METTL15: variants seen among roughly 807,000 people sequenced by gnomAD.
The protein encoded by METTL15 is methyltransferase 15, mitochondrial 12S rRNA N4-cytidine, also known as 12S rRNA N(4)-cytidine methyltransferase METTL15.
A neutral mutation model predicts 38.3 loss-of-function variants in METTL15; 34 were observed. The ratio of observed to expected loss-of-function variants is 0.89; its 90% CI spans 0.68 to 1.18. The LOEUF (loss-of-function observed/expected upper bound fraction) is 1.18. Among genes scored for constraint, METTL15 ranks in the 50% most tolerant of loss-of-function variants. The probability of loss-of-function intolerance (pLI) is 0.00; values close to 1 mark genes in which losing one functional copy is unlikely to be tolerated. For synonymous variants in METTL15, 162 were observed against 170.9 expected (o/e 0.95, Z 0.41); for missense variants, 438 against 498.4 (o/e 0.88, Z 1.15).
At chr11:28,294,535 G>T (rs888177098) in intron 5 of METTL15, among the ~76,000 whole-genome samples, 1 of 152,192 alleles carries the variant, frequency 6.6e-6, no homozygotes, top group South Asian at 2.1e-4. Flanking sequence ...GCAATAGAAA[G>T]AAATTCATAG....
intron 3 of METTL15, among the ~76,000 whole-genome samples, chr11:28,200,487 C>T (rs74748188): frequency 2.0e-5 from 3 of 152,010 alleles, no homozygotes; most frequent in Admixed American, 2.0e-4. Flanking sequence ...ACTCTTCATT[C>T]CTGATGCCCA....
intron 6 of METTL15, among the ~76,000 whole-genome samples, chr11:28,455,041 A>C (rs1430420032): frequency 2.6e-5 from 4 of 152,120 alleles, no homozygotes; most frequent in Non-Finnish European, 5.9e-5. Flanking sequence ...ATAGTGGTTC[A>C]GTGGGAATCG....
chr11:28,263,567 A>T (rs993610510), intron 4 of METTL15, among the ~76,000 whole-genome samples: 3 of 152,020 alleles, frequency 2.0e-5, no homozygotes, highest in Non-Finnish European at 4.4e-5. Context: ...ATCATTCTCT[A>T]TTGTAATTGC....
At chr11:28,174,346 C>T (rs548524646) in intron 3 of METTL15, among the ~76,000 whole-genome samples, 2 of 152,166 alleles carry the variant, frequency 1.3e-5, no homozygotes, top group East Asian at 3.9e-4. Flanking sequence ...CAAGGTTTTC[C>T]CACTGCATTT....
chr11:28,481,633 C>T (rs950528937), intron 6 of METTL15, among the ~76,000 whole-genome samples: 2 of 152,104 alleles, frequency 1.3e-5, no homozygotes, highest in Non-Finnish European at 2.9e-5. Flanking sequence ...CTGAAGCGGC[C>T]AGCAGGATCA....
chr11:28,362,357 A>C (rs1374001657), intron 5 of METTL15, among the ~76,000 whole-genome samples: 1 of 152,138 alleles, frequency 6.6e-6, no homozygotes, highest in Non-Finnish European at 1.5e-5. Context: ...CTATAGATTA[A>C]AGGGTACAAC....
At chr11:28,401,086 C>CT (rs1369656130) in intron 5 of METTL15, among the ~76,000 whole-genome samples, 1 of 151,980 alleles carries the variant, frequency 6.6e-6, no homozygotes, top group African/African-American at 2.4e-5. Flanking sequence ...GTAATTCTTC[C>CT]TAAAGTAAAT....
At chr11:28,329,046 A>G (rs566843918) in intron 6 of METTL15, among the ~76,000 whole-genome samples, 1 of 152,244 alleles carries the variant, frequency 6.6e-6, no homozygotes, top group South Asian at 2.1e-4. Context: ...ATTCGAAGTC[A>G]TTAAGATTTA....
At chr11:28,220,108 T>A (rs1413810806) in intron 4 of METTL15, among the ~76,000 whole-genome samples, 1 of 152,066 alleles carries the variant, frequency 6.6e-6, no homozygotes, top group Non-Finnish European at 1.5e-5. Context: ...TCAATTCCTG[T>A]ATATCTTTTT....
At chr11:28,382,488 A>T (rs1050576145) in intron 5 of METTL15, among the ~76,000 whole-genome samples, 1 of 152,002 alleles carries the variant, frequency 6.6e-6, no homozygotes, top group Non-Finnish European at 1.5e-5. Flanking sequence ...GTCAGGGGGA[A>T]ATTTACCATG....
At chr11:28,311,566 T>C (rs1199601676) in intron 6 of METTL15, among the ~76,000 whole-genome samples, 3 of 152,230 alleles carry the variant, frequency 2.0e-5, no homozygotes, top group African/African-American at 7.2e-5. Flanking sequence ...GAACATGTGT[T>C]AAAGGAATCA....
At chr11:28,246,273 T>C (rs1424780871) in intron 4 of METTL15, among the ~76,000 whole-genome samples, 2 of 152,296 alleles carry the variant, frequency 1.3e-5, no homozygotes, top group East Asian at 3.9e-4. Flanking sequence ...ATGAATGTAT[T>C]AAAATATCAT....
At position 28,393,995 on chromosome 11, in the gene METTL15, T is replaced by G. The variant is rs143046349; in HGVS notation, c.*359-30304T>G. On this transcript the variant is annotated intron_variant and NMD_transcript_variant, in intron 5 of 7. Coordinates refer to the METTL15 transcript ENST00000532947. ...GTATGTGTGTGTATGTGTGTGTTTG[T>G]GTATGTGTAGTTTTAAATGTATACA... 3.0e-3 allele frequency among the ~76,000 whole-genome samples: 449 copies of G among 152,010 alleles called. 5 individuals carry two copies. Among genetic ancestry groups the G allele is most frequent in the African/African-American group, 0.01 (434 of 41,454 alleles).
intron 3 of METTL15, among the ~76,000 whole-genome samples, chr11:28,130,605 CTGAG>C (rs1271153389): frequency 2.0e-5 from 3 of 152,084 alleles, no homozygotes; most frequent in East Asian, 1.9e-4. Flanking sequence ...TAGCAACTGA[CTGAG>C]AGAGATGAAG....
intron 3 of METTL15, among the ~76,000 whole-genome samples, chr11:28,117,603 G>A (rs1479745670): frequency 1.3e-5 from 2 of 152,012 alleles, no homozygotes; most frequent in Non-Finnish European, 2.9e-5. Flanking sequence ...TGTAATGTTG[G>A]TTTATTTTGG....
chr11:28,313,093 C>T (rs1341402066), intron 6 of METTL15, among the ~76,000 whole-genome samples: 1 of 151,628 alleles, frequency 6.6e-6, no homozygotes, highest in Non-Finnish European at 1.5e-5. Context: ...TATACAAAAA[C>T]CTAGGTTCAG....
chr11:28,448,649 C>A (rs1851094522), intron 6 of METTL15, among the ~76,000 whole-genome samples: 1 of 152,092 alleles, frequency 6.6e-6, no homozygotes, highest in African/African-American at 2.4e-5. Flanking sequence ...CTCTCTAAAT[C>A]TACCTAAGTT....
chr11:28,235,809 G>C (rs1853932394), intron 4 of METTL15, among the ~76,000 whole-genome samples: 1 of 152,094 alleles, frequency 6.6e-6, no homozygotes. Context: ...TCCTTCTCCT[G>C]CCTCATTGCC....
chr11:28,439,823 T>G (rs1204376970), intron 6 of METTL15, among the ~76,000 whole-genome samples: 1 of 152,234 alleles, frequency 6.6e-6, no homozygotes, highest in South Asian at 2.1e-4. Flanking sequence ...TTGGAGGAGA[T>G]GCCTTGGGTC....
Sources: gnomAD v4.1 joint callset for allele counts (sites outside exome capture counted in the v4.1 genomes callset) on GRCh38, gnomAD v4.1.1 for gene constraint, MANE v1.5 for transcripts, NCBI Gene and HGNC (gene_info 2026-07-23, HGNC 2026-07-21) for gene names.